HIPK2: variants seen among roughly 807,000 people sequenced by gnomAD.
HIPK2 encodes homeodomain-interacting protein kinase 2.
A neutral mutation model predicts 113.7 loss-of-function variants in HIPK2; 27 were observed. The observed-to-expected ratio is 0.24, with a 90% CI of 0.17 to 0.33. HIPK2 has a LOEUF of 0.33. HIPK2 is among the 10% of genes least tolerant of loss of function. The pLI is 1.00. For missense variants in HIPK2, 1,257 were observed against 1,588.0 expected (o/e 0.79, Z 3.54); for synonymous variants, 631 against 642.2 (o/e 0.98, Z 0.26).
At chr7:139,668,880 T>C (rs1208209002) in intron 2 of HIPK2, among the ~76,000 whole-genome samples, 3 of 152,226 alleles carry the variant, frequency 2.0e-5, no homozygotes, top group Non-Finnish European at 1.5e-5. Context: ...GATGACTGTT[T>C]TAGAAATGCA....
chr7:139,625,323 G>A (rs943067931), intron 6 of HIPK2, among the ~76,000 whole-genome samples: 2 of 152,156 alleles, frequency 1.3e-5, no homozygotes, highest in African/African-American at 2.4e-5. Context: ...CTGCCACTGC[G>A]TTACTGACAA....
intron 1 of HIPK2, among the ~76,000 whole-genome samples, chr7:139,758,037 A>T (rs1019558657): frequency 6.6e-6 from 1 of 152,230 alleles, no homozygotes; most frequent in African/African-American, 2.4e-5. Flanking sequence ...ATTGTCTTTG[A>T]CGGGAAGACT....
At chr7:139,715,556 G>A (rs1387692776) in intron 2 of HIPK2, among the ~76,000 whole-genome samples, 1 of 152,164 alleles carries the variant, frequency 6.6e-6, no homozygotes, top group Non-Finnish European at 1.5e-5. Flanking sequence ...CTGGCCAGGC[G>A]GGTGTCCTTC....
At chr7:139,730,424 G>C (rs1795739312) in intron 1 of HIPK2, among the ~76,000 whole-genome samples, 1 of 150,110 alleles carries the variant, frequency 6.7e-6, no homozygotes, top group East Asian at 2.0e-4. Flanking sequence ...GCAGTGGTGA[G>C]ATCTCGGCTC....
chr7:139,747,300 T>C (rs1796205377), intron 1 of HIPK2, among the ~76,000 whole-genome samples: 2 of 152,150 alleles, frequency 1.3e-5, no homozygotes, highest in African/African-American at 4.8e-5. Flanking sequence ...TCAATAAGTC[T>C]AGTATGACAG....
intron 2 of HIPK2, among the ~76,000 whole-genome samples, chr7:139,660,598 G>C (rs1801834998): frequency 6.6e-6 from 1 of 152,188 alleles, no homozygotes; most frequent in Non-Finnish European, 1.5e-5. Context: ...TGTTATATTT[G>C]TGGGTTGGAC....
intron 9 of HIPK2, among the ~76,000 whole-genome samples, chr7:139,610,463 T>A (rs1056314396): frequency 6.6e-6 from 1 of 152,180 alleles, no homozygotes; most frequent in Non-Finnish European, 1.5e-5. Flanking sequence ...AACTCCCCGC[T>A]ACTGAACTAT....
Position 139,563,862 on chromosome 7 carries a change from T to C in HIPK2, c.*9065A>G. On this transcript the variant is annotated 3_prime_UTR_variant, in exon 15 of 15. Coordinates refer to ENST00000406875, the MANE Select transcript of HIPK2 (RefSeq NM_022740.5). ...TCTTATCTGCTAAAGGAATGCCCTT[T>C]AGGTCACAGCAGGTCCTCTGCAGTT... is the stretch of plus-strand genomic sequence containing the variant. 1 of 398,620 alleles carries C rather than the reference T, an allele frequency of 2.5e-6. No individual in the cohort carries two copies. The highest frequency in any genetic ancestry group is 4.4e-6 in the Non-Finnish European group (1 of 226,056). The allele number at this position is 398,620 out of a possible 1,614,324, so 24.7% of individuals were successfully genotyped here. A position where few individuals can be genotyped will look rare whatever the true frequency, so the allele number is the denominator to read the frequency against.
chr7:139,660,041 T>C (rs1801812965), intron 2 of HIPK2, among the ~76,000 whole-genome samples: 1 of 152,238 alleles, frequency 6.6e-6, no homozygotes, highest in African/African-American at 2.4e-5. Flanking sequence ...CGGGTTGTTT[T>C]GCCAAGAAAA....
At chr7:139,726,642 C>T (rs537725297) in intron 1 of HIPK2, among the ~76,000 whole-genome samples, 2 of 152,296 alleles carry the variant, frequency 1.3e-5, no homozygotes, top group East Asian at 1.9e-4. Context: ...AATGGTCTTT[C>T]CTAACCAGCA....
At chr7:139,607,807 GAA>G (rs1799671466) in intron 9 of HIPK2, among the ~76,000 whole-genome samples, 1 of 151,966 alleles carries the variant, frequency 6.6e-6, no homozygotes, top group South Asian at 2.1e-4. Context: ...CAGTGGGTTA[GAA>G]AGCTAAATCT....
At chr7:139,776,868 C>A (rs1796768667) in intron 1 of HIPK2, among the ~76,000 whole-genome samples, 1 of 152,144 alleles carries the variant, frequency 6.6e-6, no homozygotes, top group South Asian at 2.1e-4. Flanking sequence ...TTCTGCCTTG[C>A]GTTCTTTTCT....
At chr7:139,671,525 G>C (rs181177743) in intron 2 of HIPK2, among the ~76,000 whole-genome samples, 2 of 152,236 alleles carry the variant, frequency 1.3e-5, no homozygotes, top group Admixed American at 1.3e-4. Flanking sequence ...AAATGGATTA[G>C]ACTCATTGGT....
intron 13 of HIPK2, among the ~76,000 whole-genome samples, chr7:139,578,518 A>G (rs1342946394): frequency 6.6e-6 from 1 of 152,232 alleles, no homozygotes; most frequent in Non-Finnish European, 1.5e-5. Context: ...GCATTTTAAG[A>G]GAGAAAGGTA....
intron 2 of HIPK2, among the ~76,000 whole-genome samples, chr7:139,647,500 AT>A (rs1340746973): frequency 1.3e-5 from 2 of 152,188 alleles, no homozygotes; most frequent in African/African-American, 4.8e-5. Flanking sequence ...GATAATAAGG[AT>A]TTCAATGGTG....
At chr7:139,688,378 A>T (rs963317490) in intron 2 of HIPK2, among the ~76,000 whole-genome samples, 1 of 152,194 alleles carries the variant, frequency 6.6e-6, no homozygotes, top group Non-Finnish European at 1.5e-5. Flanking sequence ...TTGTCAAGTA[A>T]ATGATAACTT....
At chr7:139,575,354 C>G in intron 13 of HIPK2, 66 bp from the exon 14 acceptor site, 1 of 1,480,524 alleles carries the variant, frequency 6.8e-7, no homozygotes, top group South Asian at 1.4e-5. Context: ...GATGCTACCC[C>G]ACCAGAGAAC....
rs145528246 is a variant in HIPK2 at position 139,738,531 on chromosome 7, G to A, written c.20-21516C>T. Among the ~76,000 whole-genome samples the A allele has an allele frequency of 1.3e-3, 195 of 152,290 alleles. 2 individuals carry two copies. Among genetic ancestry groups the A allele is most frequent in the African/African-American group, 4.6e-3 (190 of 41,540 alleles). On this transcript the variant is annotated intron_variant, in intron 1 of 14. Coordinates refer to ENST00000406875, the MANE Select transcript of HIPK2 (RefSeq NM_022740.5). ...GGATGGTGCCGGAATAAAGCACCATGATATTTGTAACTTACCCTCGAGTCA... is the reference window on the plus strand; with the variant it reads ...GGATGGTGCCGGAATAAAGCACCATAATATTTGTAACTTACCCTCGAGTCA...
In HIPK2 at chr7:139,716,411, C is replaced by T. The variant is rs368605682; in HGVS notation, c.624G>A (p.Gly208=). ...TYEVLEFLGR[G]TFGQVVKCWK... is the part of the protein sequence containing the mutation. Reference sequence around the variant, plus strand: ...AGCACTTGACCACTTGCCCAAACGTCCCTCGGCCCAAGAACTCTAAGACCT... The same window carrying T: ...AGCACTTGACCACTTGCCCAAACGTTCCTCGGCCCAAGAACTCTAAGACCT... Residue 208 remains glycine (G), a synonymous_variant, in exon 2 of 15, where the codon GGG becomes GGA. Coordinates refer to ENST00000406875, the MANE Select transcript of HIPK2 (RefSeq NM_022740.5). The surrounding 1 kb of genome is among the most constrained non-coding windows in gnomAD (Gnocchi z 9.3). The T allele has an allele frequency of 1.7e-5, 28 of 1,613,890 alleles. No homozygotes were observed. The highest frequency in any genetic ancestry group is 2.1e-5 in the Non-Finnish European group (25 of 1,179,920).
Sources: allele counts gnomAD v4.1 joint callset (sites outside exome capture counted in the v4.1 genomes callset), GRCh38; gene constraint gnomAD v4.1.1; non-coding constraint Gnocchi (gnomAD v3.1); transcripts MANE v1.5; gene names NCBI Gene and HGNC (gene_info 2026-07-23, HGNC 2026-07-21).